The following ABCA4 variants were observed in gnomAD, a reference collection of about 807,000 sequenced individuals.
The protein encoded by ABCA4 is retinal-specific phospholipid-transporting ATPase ABCA4.
ABCA4 carries 196 observed loss-of-function variants against 263.7 expected under a neutral mutation model. The observed-to-expected ratio is 0.74, with a 90% CI of 0.66 to 0.84. The LOEUF (loss-of-function observed/expected upper bound fraction) is 0.84. Ranked by LOEUF, ABCA4 falls within the 40% of genes least tolerant of loss-of-function variation. The pLI, the probability that ABCA4 is intolerant of heterozygous loss-of-function variation, is 0.00. For synonymous variants in ABCA4, 1,133 were observed against 1,094.2 expected (o/e 1.04, Z -0.70); for missense variants, 2,792 against 2,855.1 (o/e 0.98, Z 0.50).
At chr1:94,093,665 T>C (rs1662036719) in intron 6 of ABCA4, among the ~76,000 whole-genome samples, 1 of 152,130 alleles carries the variant, frequency 6.6e-6, no homozygotes, top group Non-Finnish European at 1.5e-5. Flanking sequence ...GAACATCTGA[T>C]CTGTCATGAA....
intron 13 of ABCA4, among the ~76,000 whole-genome samples, chr1:94,061,190 TC>T (rs538375841): frequency 1.2e-3 from 187 of 152,158 alleles, no homozygotes; most frequent in African/African-American, 4.4e-3. Context: ...ATAACTTGGC[TC>T]CCCAAGGGGT....
chr1:94,108,432 AG>A, intron 4 of ABCA4, 144 bp downstream of exon 4: 1 of 1,119,874 alleles, frequency 8.9e-7, no homozygotes. Context: ...ATCTTCACCA[AG>A]GTGATGTTCA....
At chr1:94,042,460 C>T (rs1313498867) in intron 22 of ABCA4, among the ~76,000 whole-genome samples, 1 of 152,194 alleles carries the variant, frequency 6.6e-6, no homozygotes, top group African/African-American at 2.4e-5. Context: ...TCCCCATGGT[C>T]AGAGAAGACA....
chr1:94,055,395 G>C (rs1327305225), intron 15 of ABCA4, 80 bp from the exon 16 acceptor site: 1 of 1,433,804 alleles, frequency 7.0e-7, no homozygotes, highest in Admixed American at 1.8e-5. Flanking sequence ...CCTCGAGGTA[G>C]AGGGGAGGGC....
At position 94,108,583 on chromosome 1, in the gene ABCA4, T is replaced by C. The variant is rs755152303; in HGVS notation, c.436A>G (p.Ile146Val). ...MDTLRTHPER[I>V]AGRGIRIRDI... ...GCACTGCAGTCATGCTTACCTGCAA[T>C]TCTCTCCGGGTGAGTCCGGAGGGTG... Residue 146 changes from isoleucine (I) to valine (V), a missense_variant, in exon 4 of 50, where the codon ATT (isoleucine) becomes GTT (valine). Ile to Val is a conservative substitution (Grantham distance 29). Coordinates refer to ENST00000370225, the MANE Select transcript of ABCA4 (RefSeq NM_000350.3). 7 of 1,613,368 alleles carry C rather than the reference T, an allele frequency of 4.3e-6. No homozygotes were observed. The Admixed American group carries it at 1.2e-4, about 27-fold the overall frequency.
chr1:93,993,516 A>G (rs1557755998), intron 49 of ABCA4, among the ~76,000 whole-genome samples: 1 of 151,776 alleles, frequency 6.6e-6, no homozygotes, highest in Admixed American at 6.6e-5. Flanking sequence ...CCTGGGGGGA[A>G]GCTACACCCA....
intron 17 of ABCA4, among the ~76,000 whole-genome samples, chr1:94,049,720 C>T (rs1660782258): frequency 6.6e-6 from 1 of 152,086 alleles, no homozygotes; most frequent in Admixed American, 6.6e-5. Context: ...AGAAATTCAC[C>T]TAGATGGGCA....
rs190839943 is a variant in ABCA4, at chr1:94,071,672, A to T, written c.1554+6018T>A. On this transcript the variant is annotated intron_variant, in intron 11 of 49. Coordinates refer to ENST00000370225, the MANE Select transcript of ABCA4 (RefSeq NM_000350.3). ...AGTGCCCAGCATGTGGCTGGCTCAT[A>T]GCAGCTTCAATATCAGTCCACCCTA... 2.9e-3 allele frequency among the ~76,000 whole-genome samples: 443 copies of T among 152,360 alleles called. 1 individual carries two copies. Among genetic ancestry groups the T allele is most frequent in the African/African-American group, 1.0e-2 (415 of 41,588 alleles).
intron 40 of ABCA4, among the ~76,000 whole-genome samples, chr1:94,009,783 C>A (rs1659496622): frequency 6.6e-6 from 1 of 152,178 alleles, no homozygotes; most frequent in Non-Finnish European, 1.5e-5. Context: ...GCTAATGAGT[C>A]AATTTGGGTA....
chr1:94,108,080 G>A (rs61245991), intron 4 of ABCA4, among the ~76,000 whole-genome samples: 50,477 of 151,986 alleles, frequency 0.33, 9,319 homozygotes, highest in Admixed American at 0.43. Context: ...GCTCTGCCTC[G>A]GGGCCTGGGT....
chr1:94,051,401 C>G (rs1222823640), intron 17 of ABCA4, among the ~76,000 whole-genome samples: 3 of 152,138 alleles, frequency 2.0e-5, no homozygotes, highest in East Asian at 1.9e-4. Context: ...TGTACAGGAC[C>G]CAGGGCTTCA....
Position 94,056,806 on chromosome 1 carries a change from T to C in ABCA4, c.2177A>G (p.His726Arg). The change falls in exon 15 of 50, where the codon CAT becomes CGT. Residue 726 changes from histidine (H) to arginine (R), a missense_variant. Coordinates refer to ENST00000370225, the MANE Select transcript of ABCA4 (RefSeq NM_000350.3). ...TIFIMHGRIL[H>R]YSDPFILFLF... ...GAAGAGGATGAATGGGTCGCTGTAA[T>C]GTAGGATTCTTCCATGCTGAAACCA... 3 of 1,606,254 alleles carry C rather than the reference T, an allele frequency of 1.9e-6. No individual in the cohort carries two copies. The highest frequency in any genetic ancestry group is 2.6e-6 in the Non-Finnish European group (3 of 1,176,086).
rs61750201 is a variant in ABCA4 at position 94,083,446 on chromosome 1, A to T, written c.769-5T>A. On this transcript the variant is annotated splice_polypyrimidine_tract_variant and splice_region_variant and intron_variant, in intron 6 of 49. Transcript: ENST00000370225. ...GCTGTCTAGGAGTGTGGGAAGCTGTAATTGACAGTAAAACAATTTTTTAAA... is the reference window on the plus strand; with the variant it reads ...GCTGTCTAGGAGTGTGGGAAGCTGTTATTGACAGTAAAACAATTTTTTAAA... 1 of 1,607,966 alleles carries T rather than the reference A, an allele frequency of 6.2e-7. No homozygotes were observed. Among genetic ancestry groups the T allele is most frequent in the Non-Finnish European group, 8.5e-7 (1 of 1,174,882 alleles).
intron 16 of ABCA4, among the ~76,000 whole-genome samples, chr1:94,052,767 T>C (rs958078249): frequency 1.3e-5 from 2 of 152,202 alleles, no homozygotes; most frequent in African/African-American, 4.8e-5. Flanking sequence ...CAAAATATAC[T>C]TGGTCTTTGT....
Position 93,992,922 on chromosome 1 carries a change from C to G in ABCA4, c.*315G>C. The stretch of plus-strand genomic sequence containing the variant: ...CAGACAAACATGCAGAAAAGCAGAT[C>G]TGCTTGAAATGAGAGCAATATGGAG... On this transcript the variant is annotated 3_prime_UTR_variant, in exon 50 of 50. Coordinates refer to ENST00000370225, the MANE Select transcript of ABCA4 (RefSeq NM_000350.3). The G allele has an allele frequency of 2.3e-6, 1 of 443,744 alleles. No individual in the cohort carries two copies. Among genetic ancestry groups the G allele is most frequent in the Non-Finnish European group, 4.1e-6 (1 of 241,356 alleles). The allele number at this position is 443,744 out of a possible 1,614,324, so 27.5% of individuals were successfully genotyped here. A position where few individuals can be genotyped will look rare whatever the true frequency, so the allele number is the denominator to read the frequency against.
At chr1:94,068,529 AT>A (rs1364938174) in intron 11 of ABCA4, among the ~76,000 whole-genome samples, 5 of 152,236 alleles carry the variant, frequency 3.3e-5, no homozygotes, top group Non-Finnish European at 5.9e-5. Context: ...ACGTATGTAC[AT>A]AAGTACGTTT....
At chr1:94,075,672 G>C (rs554284191) in intron 11 of ABCA4, among the ~76,000 whole-genome samples, 5 of 152,208 alleles carry the variant, frequency 3.3e-5, no homozygotes. Context: ...GAGGGCCCTC[G>C]AGTTTATTCC....
intron 47 of ABCA4, among the ~76,000 whole-genome samples, chr1:94,000,102 G>A (rs4147870): frequency 0.13 from 19,320 of 152,206 alleles, 2,049 homozygotes; most frequent in African/African-American, 0.29. Flanking sequence ...AGATAAGGTG[G>A]GTTATGTGCT....
At chr1:94,042,300 C>T (rs561317635) in intron 22 of ABCA4, among the ~76,000 whole-genome samples, 1 of 152,130 alleles carries the variant, frequency 6.6e-6, no homozygotes, top group East Asian at 1.9e-4. Flanking sequence ...GATCTGAGCC[C>T]CTTGTCTGAG....
Sources: allele counts gnomAD v4.1 joint callset (sites outside exome capture counted in the v4.1 genomes callset), GRCh38; gene constraint gnomAD v4.1.1; transcripts MANE v1.5; gene names NCBI Gene and HGNC (gene_info 2026-07-23, HGNC 2026-07-21).